Variants in SSBP3 observed in about 807,000 individuals in gnomAD.
SSBP3 encodes the protein single stranded DNA binding protein 3, also known as single-stranded DNA-binding protein 3.
SSBP3 carries 5 observed loss-of-function variants against 69.6 expected under a neutral mutation model. The ratio of observed to expected loss-of-function variants is 0.07; its 90% CI spans 0.04 to 0.15. The LOEUF is 0.15. SSBP3 is among the 10% of genes least tolerant of loss of function. The pLI, the probability that SSBP3 is intolerant of heterozygous loss-of-function variation, is 1.00. For missense variants in SSBP3, 312 were observed against 534.0 expected, an observed-to-expected ratio of 0.58 and a Z score of 4.10; for synonymous variants, 196 against 193.4, an observed-to-expected ratio of 1.01 and a Z score of -0.11.
chr1:54,297,381 G>A (rs1337850479), intron 4 of SSBP3, among the ~76,000 whole-genome samples: 3 of 152,236 alleles, frequency 2.0e-5, no homozygotes, highest in Admixed American at 6.5e-5. Flanking sequence ...TGTAATCCCG[G>A]CACTTTGGGA....
At chr1:54,232,742 G>A (rs891643603) in intron 14 of SSBP3, among the ~76,000 whole-genome samples, 49 of 152,204 alleles carry the variant, frequency 3.2e-4, no homozygotes, top group African/African-American at 9.9e-4. Flanking sequence ...GCAGGCACGC[G>A]CCGCCACGCC....
chr1:54,390,562 G>A (rs551645247), intron 4 of SSBP3, among the ~76,000 whole-genome samples: 7 of 152,184 alleles, frequency 4.6e-5, no homozygotes, highest in South Asian at 2.1e-4. Flanking sequence ...GCATTAGCTC[G>A]CTGACAGAAA....
chr1:54,280,375 T>G (rs1398157469), intron 5 of SSBP3, among the ~76,000 whole-genome samples: 1 of 152,180 alleles, frequency 6.6e-6, no homozygotes, highest in Non-Finnish European at 1.5e-5. Flanking sequence ...TGAGCACAGG[T>G]GCTAAATTCT....
intron 9 of SSBP3, among the ~76,000 whole-genome samples, chr1:54,244,018 C>T (rs1219044591): frequency 1.3e-5 from 2 of 152,314 alleles, no homozygotes; most frequent in East Asian, 3.9e-4. Flanking sequence ...CAGCCTTGAC[C>T]TCCTGGGCTC....
chr1:54,330,406 C>T (rs529283966), intron 4 of SSBP3, among the ~76,000 whole-genome samples: 9 of 152,330 alleles, frequency 5.9e-5, no homozygotes, highest in African/African-American at 1.9e-4. Flanking sequence ...TGGCCCCCTA[C>T]ACCTCCACGG....
rs180971922 is a variant in SSBP3 at position 54,256,856 on chromosome 1, C to G, written c.507+271G>C. 2.0e-5 allele frequency among the ~76,000 whole-genome samples: 3 copies of G among 152,298 alleles called. No homozygotes were observed. In the East Asian group the frequency reaches 5.8e-4, roughly 29 times the overall value. ...TCTAGAATAGCCGAAACCCTGCAAT[C>G]CCAGATGCGCCTTAGCTCCATCTGC... On this transcript the variant is annotated intron_variant, in intron 7 of 17. Coordinates refer to ENST00000610401, the Ensembl canonical transcript of SSBP3.
At chr1:54,273,504 G>A (rs1290756230) in intron 5 of SSBP3, among the ~76,000 whole-genome samples, 4 of 152,248 alleles carry the variant, frequency 2.6e-5, no homozygotes, top group African/African-American at 9.6e-5. Flanking sequence ...CTGGGCAGAC[G>A]TCAGGCACCA....
At chr1:54,332,529 C>A (rs923904490) in intron 4 of SSBP3, among the ~76,000 whole-genome samples, 1 of 152,142 alleles carries the variant, frequency 6.6e-6, no homozygotes, top group African/African-American at 2.4e-5. Context: ...TCTTTCCAAA[C>A]CCCCCTGGCC....
intron 14 of SSBP3, among the ~76,000 whole-genome samples, chr1:54,232,687 T>C (rs1280808881): frequency 1.4e-5 from 2 of 145,946 alleles, no homozygotes; most frequent in East Asian, 4.6e-4. Context: ...CACTGCAACC[T>C]CCCTGCCTGA....
chr1:54,234,468 G>C (rs1181216657), intron 14 of SSBP3, among the ~76,000 whole-genome samples: 3 of 152,086 alleles, frequency 2.0e-5, no homozygotes, highest in Non-Finnish European at 4.4e-5. Context: ...CGTGCCTGTA[G>C]TCCCAGCTAC....
At chr1:54,241,089 C>A in intron 12 of SSBP3, 130 bp from the exon 13 acceptor site, 5 of 979,648 alleles carry the variant, frequency 5.1e-6, no homozygotes, top group Non-Finnish European at 7.6e-6. Flanking sequence ...CTTGCTACAC[C>A]CCCAGCGCTC....
chr1:54,298,489 T>G (rs1645741056), intron 4 of SSBP3, among the ~76,000 whole-genome samples: 1 of 152,198 alleles, frequency 6.6e-6, no homozygotes, highest in Non-Finnish European at 1.5e-5. Context: ...TCTGATTTCC[T>G]ATCTTATCAG....
chr1:54,404,680 G>C, intron 2 of SSBP3, 43 bp from the exon 3 acceptor site: 1 of 1,610,028 alleles, frequency 6.2e-7, no homozygotes, highest in Non-Finnish European at 8.5e-7. Context: ...AGCAGAGACG[G>C]GGTGGGCTGG....
At chr1:54,332,092 G>A (rs563986693) in intron 4 of SSBP3, among the ~76,000 whole-genome samples, 7 of 152,352 alleles carry the variant, frequency 4.6e-5, no homozygotes, top group Non-Finnish European at 7.3e-5. Context: ...GCCCAAGGTC[G>A]CACAGCTCCT....
At chr1:54,253,860 C>T (rs1570270134) in intron 7 of SSBP3, among the ~76,000 whole-genome samples, 1 of 152,234 alleles carries the variant, frequency 6.6e-6, no homozygotes, top group East Asian at 1.9e-4. Context: ...TAGCCCAATG[C>T]TGACCACCAA....
At chr1:54,254,846 T>C (rs1397999386) in intron 7 of SSBP3, among the ~76,000 whole-genome samples, 1 of 152,154 alleles carries the variant, frequency 6.6e-6, no homozygotes, top group Non-Finnish European at 1.5e-5. Flanking sequence ...TTCTTCTTTT[T>C]TTTTGAGGCG....
chr1:54,276,719 G>A (rs1244081300), intron 5 of SSBP3, among the ~76,000 whole-genome samples: 2 of 148,876 alleles, frequency 1.3e-5, no homozygotes, highest in Non-Finnish European at 3.0e-5. Context: ...AGTAACTGTT[G>A]TGGAACACAG....
At chr1:54,253,485 C>G (rs1193749116) in intron 7 of SSBP3, among the ~76,000 whole-genome samples, 1 of 152,170 alleles carries the variant, frequency 6.6e-6, no homozygotes, top group Non-Finnish European at 1.5e-5. Flanking sequence ...AGCCTCCGCA[C>G]CTGGCCTACA....
intron 4 of SSBP3, among the ~76,000 whole-genome samples, chr1:54,289,049 A>C (rs1318413359): frequency 3.1e-5 from 4 of 128,860 alleles, no homozygotes; most frequent in Admixed American, 7.5e-5. Flanking sequence ...AAAAAACAAA[A>C]AAAAAAAACA....
Sources: gnomAD v4.1 joint callset for allele counts (sites outside exome capture counted in the v4.1 genomes callset) on GRCh38, gnomAD v4.1.1 for gene constraint, MANE v1.5 for transcripts, NCBI Gene and HGNC (gene_info 2026-07-23, HGNC 2026-07-21) for gene names.